The following PEX5L variants were observed in gnomAD, a reference collection of about 807,000 sequenced individuals.
PEX5L encodes the protein peroxisomal biogenesis factor 5 like, also known as PEX5-related protein.
Under a neutral mutation model 84.0 loss-of-function variants are expected in PEX5L, and 30 were observed. The ratio of observed to expected loss-of-function variants is 0.36; its 90% confidence interval spans 0.27 to 0.48. The LOEUF (loss-of-function observed/expected upper bound fraction) is 0.48. PEX5L is among the 20% of genes least tolerant of loss of function. PEX5L has a pLI of 0.99. For missense variants in PEX5L, 533 were observed against 754.6 expected (o/e 0.71, Z 3.44); for synonymous variants, 270 against 283.1 (o/e 0.95, Z 0.46).
At chr3:179,970,026 G>A (rs1162492155) in intron 2 of PEX5L, among the ~76,000 whole-genome samples, 1 of 151,816 alleles carries the variant, frequency 6.6e-6, no homozygotes, top group Admixed American at 6.6e-5. Flanking sequence ...TTCACCACAA[G>A]GATCTCAAAA....
At chr3:179,937,398 T>G (rs899569312) in intron 2 of PEX5L, among the ~76,000 whole-genome samples, 1 of 151,880 alleles carries the variant, frequency 6.6e-6, no homozygotes, top group Non-Finnish European at 1.5e-5. Context: ...TTTCTGTAAA[T>G]CTAAAACTAC....
chr3:179,931,648 A>C (rs1474283707), intron 2 of PEX5L, among the ~76,000 whole-genome samples: 1 of 151,934 alleles, frequency 6.6e-6, no homozygotes, highest in African/African-American at 2.4e-5. Context: ...ACTTGCTATA[A>C]TTTTTTTTCT....
intron 1 of PEX5L, among the ~76,000 whole-genome samples, chr3:180,011,457 G>A (rs1190610286): frequency 1.3e-5 from 2 of 152,160 alleles, no homozygotes; most frequent in Non-Finnish European, 2.9e-5. Flanking sequence ...AGAAGACTGA[G>A]AAAATGCATG....
chr3:179,826,604 G>A (rs1730585347), intron 8 of PEX5L, among the ~76,000 whole-genome samples: 1 of 152,152 alleles, frequency 6.6e-6, no homozygotes, highest in Admixed American at 6.5e-5. Flanking sequence ...AGGAGATGGG[G>A]ACATGTAGAC....
chr3:179,811,775 A>C (rs975669287), intron 11 of PEX5L, 26 bp downstream of exon 11: 2 of 1,555,314 alleles, frequency 1.3e-6, no homozygotes, highest in African/African-American at 1.4e-5. Flanking sequence ...CACCAGGCCC[A>C]TGATTTTGCA....
At chr3:179,971,512 GA>G (rs1784733785) in intron 2 of PEX5L, 81 bp downstream of exon 2, 3 of 1,461,446 alleles carry the variant, frequency 2.1e-6, no homozygotes, top group African/African-American at 2.9e-5. Context: ...ACAGCTGCCA[GA>G]GAAGGGCTGA....
At chr3:179,868,063 T>A (rs1242809112) in intron 7 of PEX5L, among the ~76,000 whole-genome samples, 1 of 147,678 alleles carries the variant, frequency 6.8e-6, no homozygotes, top group Non-Finnish European at 1.5e-5. Context: ...TTTTTTTTTT[T>A]AGAGATGGGG....
At chr3:179,836,180 C>A (rs1025479876) in intron 8 of PEX5L, among the ~76,000 whole-genome samples, 8 of 152,070 alleles carry the variant, frequency 5.3e-5, no homozygotes, top group Admixed American at 5.2e-4. Context: ...CTTCTGTGAG[C>A]TCTAGTTTTC....
intron 2 of PEX5L, among the ~76,000 whole-genome samples, chr3:179,955,723 AAT>A (rs951047748): frequency 1.3e-5 from 2 of 152,086 alleles, no homozygotes; most frequent in African/African-American, 4.8e-5. Flanking sequence ...TACGTATTAT[AAT>A]ATAATCTTTT....
intron 2 of PEX5L, among the ~76,000 whole-genome samples, chr3:179,937,409 T>C (rs1311348187): frequency 6.6e-6 from 1 of 151,880 alleles, no homozygotes; most frequent in Non-Finnish European, 1.5e-5. Context: ...CTAAAACTAC[T>C]CCAAAATAAA....
In PEX5L at chr3:179,927,763, G is replaced by A. The variant is rs529331144; in HGVS notation, c.94-29517C>T. Among the ~76,000 whole-genome samples the A allele has an allele frequency of 6.6e-5, 10 of 152,170 alleles. No individual in the cohort carries two copies. In the East Asian group the frequency reaches 1.7e-3, roughly 26 times the overall value. ...CACCATCGTTTGTGTAACCTTGCAA[G>A]CTAAGTTAAAGATTTTGGTTTTCAT... On this transcript the variant is annotated intron_variant, in intron 2 of 14. Coordinates refer to ENST00000467460, the MANE Select transcript of PEX5L (RefSeq NM_016559.3).
In PEX5L at chr3:179,874,732, T is replaced by C. The variant is rs1283307408; in HGVS notation, c.630-309A>G. On this transcript the variant is annotated intron_variant, in intron 6 of 14. Coordinates refer to ENST00000467460, the MANE Select transcript of PEX5L (RefSeq NM_016559.3). ...GTTTCATAAAAAAATTATGGTTTTT[T>C]TTTTTGTTTTTTTTTTTTTTTTTTT... 2.1e-4 allele frequency among the ~76,000 whole-genome samples: 14 copies of C among 65,234 alleles called. 1 individual carries two copies. Among genetic ancestry groups the C allele is most frequent in the African/African-American group, 7.4e-4 (14 of 18,842 alleles). The allele number at this position is 65,234 out of a possible 152,430, so 42.8% of individuals were successfully genotyped here.
At chr3:179,920,633 T>C (rs1769012457) in intron 2 of PEX5L, among the ~76,000 whole-genome samples, 1 of 152,188 alleles carries the variant, frequency 6.6e-6, no homozygotes, top group African/African-American at 2.4e-5. Flanking sequence ...TCAGAGAGGT[T>C]AAACTATATT....
intron 12 of PEX5L, 98 bp downstream of exon 12, chr3:179,809,373 G>A: frequency 1.2e-6 from 1 of 839,628 alleles, no homozygotes; most frequent in South Asian, 1.5e-5. Context: ...ATTCTGGAGT[G>A]GGTGGTGTCT....
chr3:179,797,586 CT>C lies in PEX5L; in HGVS notation c.*4241del, dbSNP rs1453736114. On this transcript the variant is annotated 3_prime_UTR_variant, in exon 15 of 15. Coordinates refer to ENST00000467460, the MANE Select transcript of PEX5L (RefSeq NM_016559.3). ...ATGCCAGAGTTTATCTATGAACACTCTTTAAAAAAAAAAAAAAAAATATATA... is the reference window on the plus strand; with the variant it reads ...ATGCCAGAGTTTATCTATGAACACTCTTAAAAAAAAAAAAAAAAATATATA... 83 of 78,766 alleles carry C rather than the reference CT, an allele frequency of 1.1e-3. No individual in the cohort carries two copies. The highest frequency in any genetic ancestry group is 3.9e-3 in the African/African-American group (77 of 19,840). The allele number at this position is 78,766 out of a possible 1,614,324, so 4.9% of individuals were successfully genotyped here.
intron 1 of PEX5L, among the ~76,000 whole-genome samples, chr3:180,009,825 G>T (rs1364828692): frequency 1.3e-5 from 2 of 152,060 alleles, no homozygotes; most frequent in Non-Finnish European, 2.9e-5. Context: ...ACCTCTATGT[G>T]TCTGGCCTAT....
chr3:179,835,743 A>C lies in PEX5L; in HGVS notation c.823-15767T>G, dbSNP rs185413816. 2.4e-4 allele frequency among the ~76,000 whole-genome samples: 37 copies of C among 152,306 alleles called. 1 individual carries two copies. The highest frequency in any genetic ancestry group is 9.6e-4 in the East Asian group (5 of 5,190). On this transcript the variant is annotated intron_variant, in intron 8 of 14. Transcript: ENST00000467460. ...AACGATAAACATGCTCTATTTTCAT[A>C]TGGGGAACTCCAAAGAGCCCATTAA...
rs575330154 is a variant in PEX5L at position 179,977,565 on chromosome 3, G to T, written c.22-5900C>A. Among the ~76,000 whole-genome samples the T allele has an allele frequency of 4.6e-5, 7 of 152,260 alleles. No homozygotes were observed. The South Asian group carries it at 1.5e-3, about 32-fold the overall frequency. On this transcript the variant is annotated intron_variant, in intron 1 of 14. Coordinates refer to ENST00000467460, the MANE Select transcript of PEX5L (RefSeq NM_016559.3). ...TTTCTGTGGCAGCCAAAGAGGCAAT[G>T]AAGAGAGAAAACAGGAAGTAAGGAA...
chr3:179,948,142 TG>T (rs1560860097), intron 2 of PEX5L, among the ~76,000 whole-genome samples: 1 of 152,246 alleles, frequency 6.6e-6, no homozygotes, highest in Non-Finnish European at 1.5e-5. Context: ...AAAATGTGTT[TG>T]ACTTTCCATA....
Sources: allele counts gnomAD v4.1 joint callset (sites outside exome capture counted in the v4.1 genomes callset), GRCh38; gene constraint gnomAD v4.1.1; transcripts MANE v1.5; gene names NCBI Gene and HGNC (gene_info 2026-07-23, HGNC 2026-07-21).